NYAP2: variants seen among roughly 807,000 people sequenced by gnomAD.
NYAP2 encodes neuronal tyrosine-phosphorylated phosphoinositide-3-kinase adaptor 2.
In NYAP2, 23 loss-of-function variants were observed where a neutral mutation model predicts 50.4. That is an observed-to-expected ratio of 0.46 (90% confidence interval 0.33 to 0.65). The LOEUF (loss-of-function observed/expected upper bound fraction) is 0.65. Among genes scored for constraint, NYAP2 ranks in the 30% least tolerant of loss-of-function variants. NYAP2 has a pLI of 0.02. For synonymous variants in NYAP2, 394 were observed against 365.2 expected (o/e 1.08, Z -0.90); for missense variants, 885 against 861.0 (o/e 1.03, Z -0.35).
At chr2:225,658,821 A>G (rs1371318741), downstream of NYAP2, among the ~76,000 whole-genome samples, 1 of 152,244 alleles carries the variant, frequency 6.6e-6, no homozygotes, top group Non-Finnish European at 1.5e-5. Context: ...CTACTTTAAT[A>G]CAAAGAATTC....
intron 3 of NYAP2, among the ~76,000 whole-genome samples, chr2:225,442,299 T>A (rs1689484221): frequency 6.6e-6 from 1 of 152,196 alleles, no homozygotes; most frequent in South Asian, 2.1e-4. Context: ...AAAGAGACAC[T>A]TTCTATTTCA....
intron 4 of NYAP2, among the ~76,000 whole-genome samples, chr2:225,520,634 T>G (rs887387993): frequency 2.6e-5 from 4 of 151,932 alleles, no homozygotes; most frequent in Non-Finnish European, 5.9e-5. Context: ...TGATCTATAT[T>G]TCTGTTTTGG....
intron 3 of NYAP2, among the ~76,000 whole-genome samples, chr2:225,456,919 C>G (rs1014553033): frequency 1.3e-5 from 2 of 152,184 alleles, no homozygotes; most frequent in Admixed American, 6.5e-5. Context: ...GACTTTCCCC[C>G]CTTCTTCTGT....
intron 4 of NYAP2, among the ~76,000 whole-genome samples, chr2:225,561,419 A>G (rs1361573500): frequency 6.6e-6 from 1 of 152,092 alleles, no homozygotes; most frequent in African/African-American, 2.4e-5. Context: ...GGCACAAAAG[A>G]TGAAGTTGGA....
chr2:225,520,147 A>T (rs1691020923), intron 4 of NYAP2, among the ~76,000 whole-genome samples: 1 of 152,146 alleles, frequency 6.6e-6, no homozygotes, highest in Admixed American at 6.5e-5. Flanking sequence ...AATTTGTTTG[A>T]GTTCATCGTA....
At chr2:225,676,288 A>T in the NYAP2 span, among the ~76,000 whole-genome samples, 486 of 152,184 alleles carry the variant, frequency 3.2e-3, 20 homozygotes, top group East Asian at 0.083. Flanking sequence ...CTGAGGTCAG[A>T]CATTTACATC....
At chr2:225,525,669 A>G (rs1057260416) in intron 4 of NYAP2, among the ~76,000 whole-genome samples, 1 of 152,138 alleles carries the variant, frequency 6.6e-6, no homozygotes, top group African/African-American at 2.4e-5. Flanking sequence ...CATCTAGTGG[A>G]TACAATGTGC....
At chr2:225,448,106 G>A (rs1328914679) in intron 3 of NYAP2, among the ~76,000 whole-genome samples, 1 of 152,202 alleles carries the variant, frequency 6.6e-6, no homozygotes, top group Non-Finnish European at 1.5e-5. Flanking sequence ...GTGACGCTAT[G>A]GCTGGTAAGT....
At chr2:225,691,753 G>C in the NYAP2 span, among the ~76,000 whole-genome samples, 1 of 151,932 alleles carries the variant, frequency 6.6e-6, no homozygotes, top group Non-Finnish European at 1.5e-5. Context: ...ACACACACTG[G>C]GTTTCATGCC....
At chr2:225,502,549 T>C (rs1434826602) in intron 3 of NYAP2, among the ~76,000 whole-genome samples, 1 of 152,238 alleles carries the variant, frequency 6.6e-6, no homozygotes, top group African/African-American at 2.4e-5. Context: ...GTTCCAGCCA[T>C]TGGAAATACA....
At chr2:225,605,879 G>A (rs1692776498) in intron 5 of NYAP2, among the ~76,000 whole-genome samples, 1 of 151,970 alleles carries the variant, frequency 6.6e-6, no homozygotes, top group Non-Finnish European at 1.5e-5. Context: ...GGAAAACAGT[G>A]GAATCACAAG....
chr2:225,673,450 C>T, the NYAP2 span, among the ~76,000 whole-genome samples: 2 of 117,198 alleles, frequency 1.7e-5, no homozygotes, highest in African/African-American at 5.4e-5. Context: ...TGCCTCAAAT[C>T]TTCAATTTAT....
At chr2:225,527,081 G>T (rs1201343208) in intron 4 of NYAP2, among the ~76,000 whole-genome samples, 2 of 152,184 alleles carry the variant, frequency 1.3e-5, no homozygotes, top group Non-Finnish European at 2.9e-5. Flanking sequence ...TCTTGCCATG[G>T]TTGTTGTCCA....
At chr2:225,473,895 C>T (rs1172319922) in intron 3 of NYAP2, among the ~76,000 whole-genome samples, 4 of 152,080 alleles carry the variant, frequency 2.6e-5, no homozygotes, top group African/African-American at 9.7e-5. Context: ...ATGCCTATGT[C>T]CTGAATGGTA....
At chr2:225,664,002 G>A in the NYAP2 span, among the ~76,000 whole-genome samples, 1 of 151,996 alleles carries the variant, frequency 6.6e-6, no homozygotes, top group Admixed American at 6.6e-5. Context: ...CCATCCACAA[G>A]GCTTTTTTAT....
chr2:225,682,132 A>G, the NYAP2 span, among the ~76,000 whole-genome samples: 47 of 152,302 alleles, frequency 3.1e-4, no homozygotes, highest in African/African-American at 1.1e-3. Flanking sequence ...GCCAACTGAG[A>G]AAAGCATTTA....
chr2:225,432,144 ATTTTT>A (rs751205603), intron 3 of NYAP2, among the ~76,000 whole-genome samples: 6 of 119,522 alleles, frequency 5.0e-5, no homozygotes, highest in African/African-American at 2.0e-4. Flanking sequence ...CGCCCGCCTA[ATTTTT>A]TTTTTTTTTT....
chr2:225,691,912 C>T, the NYAP2 span, among the ~76,000 whole-genome samples: 1 of 152,140 alleles, frequency 6.6e-6, no homozygotes, highest in Non-Finnish European at 1.5e-5. Flanking sequence ...CAATTTCTCA[C>T]ACAACCGGCA....
chr2:225,613,018 A>G (rs1692926971), intron 5 of NYAP2, among the ~76,000 whole-genome samples: 1 of 152,158 alleles, frequency 6.6e-6, no homozygotes. Context: ...GAGGGACAGA[A>G]CTAGTAGGAT....
Sources: gnomAD v4.1 joint callset for allele counts (sites outside exome capture counted in the v4.1 genomes callset) on GRCh38, gnomAD v4.1.1 for gene constraint, MANE v1.5 for transcripts, NCBI Gene and HGNC (gene_info 2026-07-23, HGNC 2026-07-21) for gene names.